Variants in APC observed in about 807,000 individuals in gnomAD.
APC encodes the protein APC regulator of Wnt signaling pathway.
In APC, 72 loss-of-function variants were observed where a neutral mutation model predicts 247.0. The ratio of observed to expected loss-of-function variants is 0.29; its 90% CI spans 0.24 to 0.35. The LOEUF is 0.35. APC is among the 10% of genes least tolerant of loss of function. The pLI is 1.00. For missense variants in APC, 3,400 were observed against 3,360.7 expected, an observed-to-expected ratio of 1.01 and a Z score of -0.29; for synonymous variants, 1,254 against 1,162.5, an observed-to-expected ratio of 1.08 and a Z score of -1.60.
intron 1 of APC, among the ~76,000 whole-genome samples, chr5:112,712,847 G>A (rs1375362050): frequency 6.6e-6 from 1 of 152,106 alleles, no homozygotes; most frequent in African/African-American, 2.4e-5. Flanking sequence ...AGGCCCCCAA[G>A]TTGTATAATA....
intron 14 of APC, among the ~76,000 whole-genome samples, chr5:112,831,201 C>G (rs1764264490): frequency 6.6e-6 from 1 of 152,118 alleles, no homozygotes; most frequent in Admixed American, 6.6e-5. Context: ...CTCCAACTCC[C>G]TGGTTCAAGC....
chr5:112,785,797 A>T (rs1294858161), intron 6 of APC, among the ~76,000 whole-genome samples: 1 of 152,222 alleles, frequency 6.6e-6, no homozygotes, highest in Non-Finnish European at 1.5e-5. Flanking sequence ...TGAGAAATTA[A>T]ACCCTTACCT....
intron 14 of APC, among the ~76,000 whole-genome samples, chr5:112,834,068 A>T (rs1340636295): frequency 6.6e-6 from 1 of 151,734 alleles, no homozygotes; most frequent in Admixed American, 6.6e-5. Flanking sequence ...CCTCCCAAGC[A>T]GCTGTGACTG....
Position 112,719,479 on chromosome 5 carries a change from TCC to T in APC, c.165+11599_165+11600del, listed in dbSNP as rs1751363695. Among the ~76,000 whole-genome samples, 3 of 151,224 alleles carry T rather than the reference TCC, an allele frequency of 2.0e-5. No individual in the cohort carries two copies. The South Asian group carries it at 6.3e-4, about 32-fold the overall frequency. On this transcript the variant is annotated intron_variant, in intron 1 of 13. Coordinates refer to the APC transcript ENST00000507379. The stretch of plus-strand genomic sequence containing the variant: ...CTCAAATGATCCACCCACCTTGGCC[TCC>T]CAGAGTGCTGGGATTACAGGTGTGA...
chr5:112,796,332 A>G (rs1760210492), intron 7 of APC, among the ~76,000 whole-genome samples: 1 of 152,202 alleles, frequency 6.6e-6, no homozygotes, highest in African/African-American at 2.4e-5. Flanking sequence ...CCCTTCCCCA[A>G]AAACTCAGCT....
intron 2 of APC, among the ~76,000 whole-genome samples, chr5:112,765,310 C>T (rs1015922525): frequency 2.0e-5 from 3 of 151,996 alleles, no homozygotes; most frequent in Admixed American, 1.3e-4. Context: ...GACAGAGTCT[C>T]GCTATGTTGT....
At chr5:112,816,514 C>G (rs1280385338) in intron 9 of APC, among the ~76,000 whole-genome samples, 1 of 152,076 alleles carries the variant, frequency 6.6e-6, no homozygotes, top group Non-Finnish European at 1.5e-5. Context: ...TTACTTTAAG[C>G]CGGATGTGGT....
intron 1 of APC, chr5:112,708,026 C>G (rs1004159751): frequency 3.5e-6 from 3 of 853,674 alleles, no homozygotes; most frequent in Admixed American, 8.0e-5. Context: ...CCCCGCACTC[C>G]CCATTCAGGC....
chr5:112,792,724 T>A (rs1163969842), intron 7 of APC, among the ~76,000 whole-genome samples, 195 bp downstream of exon 7: 2 of 152,218 alleles, frequency 1.3e-5, no homozygotes, highest in Non-Finnish European at 2.9e-5. Context: ...TTTAGGCAGT[T>A]AAAATTTATA....
intron 1 of APC, among the ~76,000 whole-genome samples, chr5:112,721,081 G>T (rs1192722646): frequency 6.6e-6 from 1 of 152,108 alleles, no homozygotes; most frequent in Admixed American, 6.5e-5. Flanking sequence ...TTTGGAGATA[G>T]TATAATGAAC....
chr5:112,791,983 C>T (rs1365486381), intron 6 of APC, among the ~76,000 whole-genome samples: 4 of 152,062 alleles, frequency 2.6e-5, no homozygotes, highest in South Asian at 2.1e-4. Context: ...CAGTGGCTCA[C>T]GCCTGTAAGC....
At chr5:112,809,100 C>T (rs930617093) in intron 8 of APC, among the ~76,000 whole-genome samples, 25 of 152,074 alleles carry the variant, frequency 1.6e-4, no homozygotes, top group Admixed American at 1.2e-3. Flanking sequence ...GCCTGTAATC[C>T]CAGCACTTTG....
At chr5:112,754,771 T>C in intron 1 of APC, 102 bp from the exon 2 acceptor site, 1 of 1,106,064 alleles carries the variant, frequency 9.0e-7, no homozygotes, top group Non-Finnish European at 1.3e-6. Flanking sequence ...ACAATTCTTC[T>C]TAAACGTCTT....
Position 112,819,339 on chromosome 5 carries a change from A to T in APC, c.1307A>T (p.Asn436Ile), listed in dbSNP as rs876658856. ...AHEPGMDQDK[N>I]PMPAPVEHQI... The stretch of plus-strand genomic sequence containing the variant: ...GAACCAGGCATGGACCAGGACAAAA[A>T]TCCAAGTATGTTCTCTATAGTGTAC... The change falls in exon 10 of 16, where the codon AAT becomes ATT. Residue 436 changes from asparagine (N) to isoleucine (I), a missense_variant. Asn to Ile is a moderately radical substitution (Grantham distance 149). Around this residue, in one of 9 missense-constraint regions of APC, gnomAD observed 199 missense variants for 212.5 expected, o/e 0.94. Transcript: ENST00000257430. 6.2e-6 allele frequency: 10 copies of T among 1,614,048 alleles called. No homozygotes were observed. The highest frequency in any genetic ancestry group is 8.5e-6 in the Non-Finnish European group (10 of 1,179,954).
intron 1 of APC, among the ~76,000 whole-genome samples, chr5:112,747,828 G>A (rs1208288717): frequency 6.6e-6 from 1 of 152,154 alleles, no homozygotes; most frequent in East Asian, 1.9e-4. Context: ...GTATTTAAAA[G>A]TAAAATACTA....
At chr5:112,770,860 A>G (rs1756958949) in intron 4 of APC, among the ~76,000 whole-genome samples, 1 of 152,156 alleles carries the variant, frequency 6.6e-6, no homozygotes, top group African/African-American at 2.4e-5. Context: ...ACACATAAGC[A>G]AATACACATA....
At chr5:112,740,514 GTTTTTTTTTCTTT>G (rs1752869510) in intron 1 of APC, among the ~76,000 whole-genome samples, 1 of 122,192 alleles carries the variant, frequency 8.2e-6, no homozygotes, top group African/African-American at 3.1e-5. Flanking sequence ...TGTTTTTTGT[GTTTTTTTTTCTTT>G]TTTTTTTTTT....
intron 7 of APC, among the ~76,000 whole-genome samples, chr5:112,795,545 C>T (rs541345839): frequency 6.6e-6 from 1 of 152,206 alleles, no homozygotes; most frequent in Non-Finnish European, 1.5e-5. Flanking sequence ...TTTTTGCTAT[C>T]TGGTGGCCTA....
At chr5:112,737,814 C>G (rs1752498263), upstream of APC, 1 of 984,482 alleles carries the variant, frequency 1.0e-6, no homozygotes, top group African/African-American at 1.7e-5. Flanking sequence ...CCGTCGGGAG[C>G]CCGCCGATTG....
Sources: allele counts gnomAD v4.1 joint callset (sites outside exome capture counted in the v4.1 genomes callset), GRCh38; gene constraint gnomAD v4.1.1; regional missense constraint gnomAD v4.1.1; transcripts MANE v1.5; gene names NCBI Gene and HGNC (gene_info 2026-07-23, HGNC 2026-07-21).